The following GPSM1 variants were observed in gnomAD, a reference collection of about 807,000 sequenced individuals.
The protein encoded by GPSM1 is G protein-signaling modulator 1.
A neutral mutation model predicts 70.5 loss-of-function variants in GPSM1; 48 were observed. That is an observed-to-expected ratio of 0.68 (90% CI 0.54 to 0.87). GPSM1 has a LOEUF of 0.87. Ranked by LOEUF, GPSM1 falls within the 40% of genes least tolerant of loss-of-function variation. The probability of loss-of-function intolerance (pLI) is 0.00; values close to 1 mark genes in which losing one functional copy is unlikely to be tolerated. For synonymous variants in GPSM1, 416 were observed against 430.1 expected, an observed-to-expected ratio of 0.97 and a Z score of 0.41; for missense variants, 981 against 972.6, an observed-to-expected ratio of 1.01 and a Z score of -0.11.
rs150653079 is a variant in GPSM1 at position 136,338,881 on chromosome 9, C to T, written c.974+171C>T. On this transcript the variant is annotated intron_variant, in intron 7 of 13. Transcript: ENST00000440944. Reference sequence around the variant, plus strand: ...GAGCCAGACAGTGTGGACATTGGGCCGGCCACTGACCCCTGGCACAAGCGG... The same window carrying T: ...GAGCCAGACAGTGTGGACATTGGGCTGGCCACTGACCCCTGGCACAAGCGG... 5.3e-5 allele frequency among the ~76,000 whole-genome samples: 8 copies of T among 152,326 alleles called. No homozygotes were observed. In the East Asian group the frequency reaches 1.5e-3, roughly 29 times the overall value.
chr9:136,332,564 A>G (rs2131392642), intron 1 of GPSM1, among the ~76,000 whole-genome samples: 1 of 152,296 alleles, frequency 6.6e-6, no homozygotes, highest in East Asian at 1.9e-4. Flanking sequence ...GAGTGAGACC[A>G]CTTGAAAAGT....
intron 11 of GPSM1, among the ~76,000 whole-genome samples, chr9:136,350,904 G>T (rs1832644051): frequency 6.6e-6 from 1 of 152,102 alleles, no homozygotes; most frequent in African/African-American, 2.4e-5. Flanking sequence ...CGGGGTTGGT[G>T]GGGGGACAGG....
In GPSM1 at chr9:136,334,812, G is replaced by A; in HGVS notation, c.290+144G>A. 4 of 701,582 alleles carry A rather than the reference G, an allele frequency of 5.7e-6. No homozygotes were observed. In the East Asian group the frequency reaches 1.1e-4, roughly 19 times the overall value. 43.5% of individuals were successfully genotyped at this position (701,582 alleles called of 1,614,324 possible). A position where few individuals can be genotyped will look rare whatever the true frequency, so the allele number is the denominator to read the frequency against. ...CCCTGCTGGTGGGTGAGTGGGGATG[G>A]CCCTGCTGGCGGGTGAGTGGGGACG... On this transcript the variant is annotated intron_variant, in intron 2 of 13. Coordinates refer to ENST00000440944, the MANE Select transcript of GPSM1 (RefSeq NM_001145638.3).
At chr9:136,351,417 T>C (rs1415646482) in intron 11 of GPSM1, among the ~76,000 whole-genome samples, 1 of 151,898 alleles carries the variant, frequency 6.6e-6, no homozygotes, top group Admixed American at 6.6e-5. Flanking sequence ...CACAGCTGGG[T>C]CTGCCCTGTC....
rs782474327 is a variant in GPSM1 at position 136,356,456 on chromosome 9, T to C, written c.1727T>C (p.Leu576Pro). ...GCCAGCGTGGGCAGCCTGCCGGGGC[T>C]GCGAATCACCCACAGCAATGCAGGG... ...QRASVGSLPG[L>P]RITHSNAGHL... The change falls in exon 13 of 14, where the codon CTG becomes CCG. Residue 576 changes from leucine (L) to proline (P), a missense_variant. Leu to Pro is a moderately conservative substitution (Grantham distance 98). Transcript: ENST00000440944. 6.2e-7 allele frequency: 1 copy of C among 1,611,664 alleles called. No individual in the cohort carries two copies. Among genetic ancestry groups the C allele is most frequent in the Non-Finnish European group, 8.5e-7 (1 of 1,179,242 alleles).
At chr9:136,345,058 T>C (rs1360833864) in intron 9 of GPSM1, among the ~76,000 whole-genome samples, 1 of 152,140 alleles carries the variant, frequency 6.6e-6, no homozygotes, top group African/African-American at 2.4e-5. Context: ...CAGACTGGAT[T>C]TCAGACCAGA....
At position 136,327,770 on chromosome 9, in the gene GPSM1, CGGGCCGGGGCCG is replaced by C. The variant is rs781974636; in HGVS notation, c.68+24_68+35del. 1.5e-4 allele frequency: 165 copies of C among 1,095,634 alleles called. No individual in the cohort carries two copies. The highest frequency in any genetic ancestry group is 7.3e-4 in the Middle Eastern group (2 of 2,744). The allele number at this position is 1,095,634 out of a possible 1,614,324, so 67.9% of individuals were successfully genotyped here. A position where few individuals can be genotyped will look rare whatever the true frequency, so the allele number is the denominator to read the frequency against. ...CCAGGCGCCTCTACTCCAGGTAGGA[CGGGCCGGGGCCG>C]GGGCCGGGGCCGGGGCTGGGACCGG... On this transcript the variant is annotated splice_region_variant and intron_variant, in intron 1 of 13. Coordinates refer to ENST00000440944, the MANE Select transcript of GPSM1 (RefSeq NM_001145638.3).
chr9:136,346,418 A>C (rs1306078358), intron 9 of GPSM1, among the ~76,000 whole-genome samples: 5 of 152,024 alleles, frequency 3.3e-5, no homozygotes, highest in Non-Finnish European at 7.4e-5. Flanking sequence ...ACATGGACAG[A>C]CTCAGGAAGG....
At position 136,340,577 on chromosome 9, in the gene GPSM1, G is replaced by A. The variant is rs1554770022; in HGVS notation, c.1084-293G>A. Among the ~76,000 whole-genome samples, 3 of 152,100 alleles carry A rather than the reference G, an allele frequency of 2.0e-5. No homozygotes were observed. The highest frequency in any genetic ancestry group is 4.4e-5 in the Non-Finnish European group (3 of 68,010). ...GAGAGGTGCAGCCGGGCGGGGCCGGGCCCCTCGCGCACCGGAGGGCACAGG... is the reference window on the plus strand; with the variant it reads ...GAGAGGTGCAGCCGGGCGGGGCCGGACCCCTCGCGCACCGGAGGGCACAGG... On this transcript the variant is annotated intron_variant, in intron 8 of 13. Transcript: ENST00000440944. This position sits in a 1 kb window ranked among gnomAD's most constrained non-coding sequence, Gnocchi z 7.3.
intron 3 of GPSM1, 115 bp from the exon 4 acceptor site, chr9:136,336,806 G>T: frequency 9.6e-7 from 1 of 1,037,650 alleles, no homozygotes; most frequent in South Asian, 1.7e-5. Flanking sequence ...CTCAGTGGGA[G>T]CCCCCAAGGC....
At position 136,341,929 on chromosome 9, in the gene GPSM1, G is replaced by T; in HGVS notation, c.1207+936G>T. The stretch of plus-strand genomic sequence containing the variant: ...GCTTCCAGAAGTGCTGGGATTATAG[G>T]CGTGAGCCACCGTGCCCAGCCATCC... On this transcript the variant is annotated intron_variant, in intron 9 of 13. Coordinates refer to ENST00000440944, the MANE Select transcript of GPSM1 (RefSeq NM_001145638.3). The surrounding 1 kb of genome is among the most constrained non-coding windows in gnomAD (Gnocchi z 6.7). 2.9e-6 allele frequency: 1 copy of T among 343,496 alleles called. No homozygotes were observed. Among genetic ancestry groups the T allele is most frequent in the Non-Finnish European group, 4.1e-6 (1 of 242,898 alleles). The allele number at this position is 343,496 out of a possible 1,614,324, so 21.3% of individuals were successfully genotyped here.
Position 136,340,981 on chromosome 9 carries a change from TA to T in GPSM1, c.1196del (p.Tyr399LeufsTer14). On this transcript the variant is annotated frameshift_variant, in exon 9 of 14. Transcript: ENST00000440944. LOFTEE classifies it high-confidence loss of function. This position sits in a 1 kb window ranked among gnomAD's most constrained non-coding sequence, Gnocchi z 7.3. ...AASEKPDLAG[Y>X]EAQGARPKRT... Reference sequence around the variant, plus strand: ...CTCAGAGAAGCCTGACCTGGCCGGCTATGAGGCCCAGGGTGAGTTCCAGGGT... The same window carrying T: ...CTCAGAGAAGCCTGACCTGGCCGGCTTGAGGCCCAGGGTGAGTTCCAGGGT... The T allele has an allele frequency of 1.3e-6, 2 of 1,566,502 alleles. No homozygotes were observed. Among genetic ancestry groups the T allele is most frequent in the Non-Finnish European group, 1.7e-6 (2 of 1,156,128 alleles).
At chr9:136,349,511 C>T (rs1832604701) in intron 10 of GPSM1, 76 bp from the exon 11 acceptor site, 2 of 1,333,282 alleles carry the variant, frequency 1.5e-6, no homozygotes, top group East Asian at 2.6e-5. Context: ...GGCGGCCTGG[C>T]CTTCCCTTCA....
intron 1 of GPSM1, among the ~76,000 whole-genome samples, chr9:136,331,528 G>A (rs1463064154): frequency 1.3e-5 from 2 of 152,188 alleles, no homozygotes; most frequent in African/African-American, 4.8e-5. Context: ...GCCCAGCCCT[G>A]GGCCAGGCCT....
Position 136,347,331 on chromosome 9 carries a change from G to A in GPSM1, c.1208-1366G>A, listed in dbSNP as rs111790190. On this transcript the variant is annotated intron_variant, in intron 9 of 13. Coordinates refer to ENST00000440944, the MANE Select transcript of GPSM1 (RefSeq NM_001145638.3). ...GGCCCCGCCCTCGGACTCACACTGGGTGTGCGCAGGGCTCCTGGGCACAGC... is the reference window on the plus strand; with the variant it reads ...GGCCCCGCCCTCGGACTCACACTGGATGTGCGCAGGGCTCCTGGGCACAGC... 5.0e-4 allele frequency among the ~76,000 whole-genome samples: 76 copies of A among 152,262 alleles called. No individual in the cohort carries two copies. The Middle Eastern group carries it at 0.02, about 41-fold the overall frequency.
At chr9:136,336,413 A>T (rs28480288) in intron 3 of GPSM1, among the ~76,000 whole-genome samples, 1 of 151,992 alleles carries the variant, frequency 6.6e-6, no homozygotes, top group Non-Finnish European at 1.5e-5. Context: ...AGCGGGAGGC[A>T]GGGGGTGGCT....
At chr9:136,337,305 T>G (rs1832265632) in intron 4 of GPSM1, 136 bp from the exon 5 acceptor site, 2 of 1,373,308 alleles carry the variant, frequency 1.5e-6, no homozygotes, top group African/African-American at 1.4e-5. Flanking sequence ...TCGAGGACCC[T>G]GGAGCCTACC....
Position 136,337,698 on chromosome 9 carries a change from C to T in GPSM1, c.702+134C>T, listed in dbSNP as rs1420183629. On this transcript the variant is annotated intron_variant, in intron 5 of 13. Transcript: ENST00000440944. ...GGCCCGCCCCACCGAGTCCTGGCCT[C>T]ATCTGCACTTGGTCCTGCAGCTGCT... is the stretch of plus-strand genomic sequence containing the variant. The T allele has an allele frequency of 3.2e-5, 32 of 995,630 alleles. No homozygotes were observed. The East Asian group carries it at 7.8e-4, about 24-fold the overall frequency. The allele number at this position is 995,630 out of a possible 1,614,324, so 61.7% of individuals were successfully genotyped here.
chr9:136,335,200 G>A lies in GPSM1; in HGVS notation c.290+532G>A, dbSNP rs547314915. ...CCCCAGGCCCCAGGCCCTGAGCCCC[G>A]GGCCCACTCCCAGCCACTGCTCAGT... On this transcript the variant is annotated intron_variant, in intron 2 of 13. Coordinates refer to ENST00000440944, the MANE Select transcript of GPSM1 (RefSeq NM_001145638.3). Among the ~76,000 whole-genome samples, 9 of 151,940 alleles carry A rather than the reference G, an allele frequency of 5.9e-5. No homozygotes were observed. The East Asian group carries it at 7.8e-4, about 13-fold the overall frequency.
Sources: gnomAD v4.1 joint callset for allele counts (sites outside exome capture counted in the v4.1 genomes callset) on GRCh38, gnomAD v4.1.1 for gene constraint, Gnocchi (gnomAD v3.1) non-coding constraint, MANE v1.5 for transcripts, NCBI Gene and HGNC (gene_info 2026-07-23, HGNC 2026-07-21) for gene names.